Variants in ARHGAP29 observed in about 807,000 individuals in gnomAD.
The protein encoded by ARHGAP29 is Rho GTPase activating protein 29, also known as rho GTPase-activating protein 29.
In ARHGAP29, 43 loss-of-function variants were observed where a neutral mutation model predicts 122.6. The ratio of observed to expected loss-of-function variants is 0.35; its 90% CI spans 0.27 to 0.45. The LOEUF is 0.45. Among genes scored for constraint, ARHGAP29 ranks in the 20% least tolerant of loss-of-function variants. The pLI is 1.00. For synonymous variants in ARHGAP29, 506 were observed against 497.1 expected (o/e 1.02, Z -0.24); for missense variants, 1,303 against 1,477.2 (o/e 0.88, Z 1.93).
chr1:94,296,963 G>T, the ARHGAP29 span, among the ~76,000 whole-genome samples: 1 of 152,158 alleles, frequency 6.6e-6, no homozygotes, highest in Non-Finnish European at 1.5e-5. Context: ...ATTTCATTTT[G>T]TCTGTGAAGA....
At chr1:94,285,209 G>C in the ARHGAP29 span, among the ~76,000 whole-genome samples, 1 of 152,146 alleles carries the variant, frequency 6.6e-6, no homozygotes. Flanking sequence ...AATAGAGTTG[G>C]ACAGTGTGTT....
At chr1:94,270,438 C>T (rs149469600) in intron 1 of ARHGAP29, among the ~76,000 whole-genome samples, 88 of 152,240 alleles carry the variant, frequency 5.8e-4, no homozygotes, top group African/African-American at 2.0e-3. Context: ...GCCAGGTACC[C>T]GGAACTACCC....
At chr1:94,254,340 A>G (rs1383375505) in intron 1 of ARHGAP29, among the ~76,000 whole-genome samples, 2 of 152,208 alleles carry the variant, frequency 1.3e-5, no homozygotes, top group East Asian at 1.9e-4. Context: ...CATATATCCT[A>G]CTAGCCAAAA....
At chr1:94,176,432 A>T (rs1649097098) in intron 22 of ARHGAP29, among the ~76,000 whole-genome samples, 1 of 152,232 alleles carries the variant, frequency 6.6e-6, no homozygotes, top group Non-Finnish European at 1.5e-5. Context: ...GTTCAAATGT[A>T]TTAAGAGAAC....
the ARHGAP29 span, among the ~76,000 whole-genome samples, chr1:94,297,986 T>G: frequency 1.6e-4 from 24 of 152,336 alleles, no homozygotes; most frequent in Middle Eastern, 3.4e-3. Flanking sequence ...TAAAGCTCCT[T>G]CTGAGAAAGC....
At chr1:94,206,843 C>T (rs1651221957) in intron 5 of ARHGAP29, among the ~76,000 whole-genome samples, 1 of 32,122 alleles carries the variant, frequency 3.1e-5, no homozygotes, top group African/African-American at 6.6e-5. Flanking sequence ...TTGCAGTGAG[C>T]CGAGATCACA....
chr1:94,231,707 T>C, intron 1 of ARHGAP29, 64 bp from the exon 2 acceptor site: 1 of 1,226,564 alleles, frequency 8.2e-7, no homozygotes, highest in South Asian at 1.5e-5. Context: ...AAAAACTAAA[T>C]CAGCCAGGGA....
chr1:94,215,341 G>C (rs1036112156), intron 3 of ARHGAP29, among the ~76,000 whole-genome samples: 8 of 150,464 alleles, frequency 5.3e-5, no homozygotes, highest in Admixed American at 4.6e-4. Context: ...AAAACCAGTA[G>C]ATATTTTTTA....
At chr1:94,310,455 C>G in the ARHGAP29 span, among the ~76,000 whole-genome samples, 1 of 152,142 alleles carries the variant, frequency 6.6e-6, no homozygotes, top group Non-Finnish European at 1.5e-5. Context: ...ATGCTCTTTA[C>G]AAATATACTG....
At chr1:94,241,587 A>T (rs1475885573), upstream of ARHGAP29, among the ~76,000 whole-genome samples, 1 of 150,392 alleles carries the variant, frequency 6.6e-6, no homozygotes, top group Non-Finnish European at 1.5e-5. Context: ...ACTGCACTCC[A>T]GCTTGGGCAA....
intron 1 of ARHGAP29, among the ~76,000 whole-genome samples, chr1:94,257,180 A>T (rs1557891713): frequency 6.6e-6 from 1 of 151,304 alleles, no homozygotes; most frequent in Non-Finnish European, 1.5e-5. Flanking sequence ...GAGGCAGGCA[A>T]ATCATGAGGG....
At chr1:94,206,609 G>T (rs1480544233) in intron 5 of ARHGAP29, among the ~76,000 whole-genome samples, 1 of 152,072 alleles carries the variant, frequency 6.6e-6, no homozygotes, top group African/African-American at 2.4e-5. Context: ...TAAACATATT[G>T]CAACAGGCCA....
intron 8 of ARHGAP29, among the ~76,000 whole-genome samples, 167 bp from the exon 9 acceptor site, chr1:94,203,377 T>C (rs1049915624): frequency 1.3e-5 from 2 of 152,168 alleles, no homozygotes; most frequent in Non-Finnish European, 1.5e-5. Flanking sequence ...AAATTAATTA[T>C]AATTAATCAT....
intron 18 of ARHGAP29, 32 bp downstream of exon 18, chr1:94,184,840 T>C (rs781522939): frequency 2.0e-6 from 3 of 1,495,862 alleles, no homozygotes; most frequent in African/African-American, 2.8e-5. Flanking sequence ...CAGGCATTTA[T>C]GCTTTTTAAA....
chr1:94,289,996 C>T, the ARHGAP29 span, among the ~76,000 whole-genome samples: 1 of 152,146 alleles, frequency 6.6e-6, no homozygotes, highest in Non-Finnish European at 1.5e-5. Flanking sequence ...CAGGATGATG[C>T]TGGACTCAGA....
the ARHGAP29 span, among the ~76,000 whole-genome samples, chr1:94,298,470 G>C: frequency 2.0e-5 from 3 of 152,190 alleles, no homozygotes; most frequent in Admixed American, 1.3e-4. Context: ...GATTGCAAGA[G>C]CATTAGACAT....
In ARHGAP29 at chr1:94,202,623, G is replaced by T. The variant is rs971985804; in HGVS notation, c.1064C>A (p.Ser355Tyr). ...SMFRAEEEHL[S>Y]SSGGLAKNLN... ...ATTTTTTGCTAATCCGCCACTTGAAGACAGATGCTCCTCTTCTGCACGAAA... is the reference window on the plus strand; with the variant it reads ...ATTTTTTGCTAATCCGCCACTTGAATACAGATGCTCCTCTTCTGCACGAAA... Residue 355 changes from serine to tyrosine, a missense_variant, in exon 11 of 23, where the codon TCT (serine) becomes TAT (tyrosine). Ser to Tyr is a moderately radical substitution (Grantham distance 144). Around this residue, in one of 3 missense-constraint regions of ARHGAP29, gnomAD observed 592 missense variants for 648.2 expected, o/e 0.91. Transcript: ENST00000260526. 6.2e-7 allele frequency: 1 copy of T among 1,614,156 alleles called. No homozygotes were observed. The highest frequency in any genetic ancestry group is 1.7e-5 in the Admixed American group (1 of 60,024).
chr1:94,184,766 AAAC>A (rs1477612656), intron 18 of ARHGAP29, 103 bp downstream of exon 18: 2 of 984,644 alleles, frequency 2.0e-6, no homozygotes, highest in East Asian at 5.5e-5. Flanking sequence ...AAACAGAACA[AAAC>A]AAAAAAAACC....
rs1006834688 is a variant in ARHGAP29 at position 94,172,502 on chromosome 1, T to A, written c.*1367A>T. On this transcript the variant is annotated 3_prime_UTR_variant, in exon 23 of 23. Transcript: ENST00000260526. The stretch of plus-strand genomic sequence containing the variant: ...TTCCACATTGTAGTCAACGGATGTA[T>A]GATCCTAGGTGTTGACTTCTAAGCC... The A allele has an allele frequency of 2.6e-5, 4 of 152,004 alleles. No individual in the cohort carries two copies. The highest frequency in any genetic ancestry group is 6.6e-5 in the Admixed American group (1 of 15,250). The allele number at this position is 152,004 out of a possible 1,614,324, so 9.4% of individuals were successfully genotyped here.
Sources: allele counts gnomAD v4.1 joint callset (sites outside exome capture counted in the v4.1 genomes callset), GRCh38; gene constraint gnomAD v4.1.1; regional missense constraint gnomAD v4.1.1; transcripts MANE v1.5; gene names NCBI Gene and HGNC (gene_info 2026-07-23, HGNC 2026-07-21).